Variants in AIFM1 observed in about 807,000 individuals in gnomAD.
AIFM1 encodes apoptosis-inducing factor 1, mitochondrial.
A neutral mutation model predicts 51.7 loss-of-function variants in AIFM1; 3 were observed. The ratio of observed to expected loss-of-function variants is 0.06; its 90% CI spans 0.03 to 0.15. AIFM1 has a LOEUF of 0.15. AIFM1 is among the 10% of genes least tolerant of loss of function. The probability of loss-of-function intolerance (pLI) is 1.00; values close to 1 mark genes in which losing one functional copy is unlikely to be tolerated. For synonymous variants in AIFM1, 178 were observed against 179.4 expected, an observed-to-expected ratio of 0.99 and a Z score of 0.06; for missense variants, 330 against 476.8, an observed-to-expected ratio of 0.69 and a Z score of 2.87.
chrX:130,154,689 A>C (rs774108122), intron 2 of AIFM1, among the ~76,000 whole-genome samples: 1 of 112,372 alleles, frequency 8.9e-6, no homozygotes, highest in South Asian at 3.7e-4. Context: ...AGAAGCATTC[A>C]ATAAAATGCC....
At chrX:130,141,579 G>C (rs1010488975) in intron 6 of AIFM1, among the ~76,000 whole-genome samples, 4 of 111,676 alleles carry the variant, frequency 3.6e-5, no homozygotes, top group Non-Finnish European at 7.5e-5. Flanking sequence ...ACAAGGCCAG[G>C]AGGAGGTGTT....
Position 130,133,304 on chromosome X carries a change from C to T in AIFM1, c.1448+9G>A, listed in dbSNP as rs1227293760. On this transcript the variant is annotated intron_variant, in intron 13 of 15. Coordinates refer to ENST00000287295, the MANE Select transcript of AIFM1 (RefSeq NM_004208.4). ...AATCAGTTGGGTCTCCAAGGCACACCACTATTACCAGAACATTGACTGATG... is the reference window on the plus strand; with the variant it reads ...AATCAGTTGGGTCTCCAAGGCACACTACTATTACCAGAACATTGACTGATG... 8.3e-7 allele frequency: 1 copy of T among 1,208,190 alleles called. No individual in the cohort carries two copies. Among genetic ancestry groups the T allele is most frequent in the Non-Finnish European group, 1.1e-6 (1 of 894,731 alleles).
Position 130,147,744 on chromosome X carries a change from C to T in AIFM1, c.474+8G>A, listed in dbSNP as rs773303584. ...CCTCTGTGCCAAGCAAAAAAACATG[C>T]ACCTTACCCTGGCCCCAGGATCCCG... On this transcript the variant is annotated splice_region_variant and intron_variant, in intron 4 of 15. Transcript: ENST00000287295. The T allele has an allele frequency of 2.5e-6, 3 of 1,212,024 alleles. No individual in the cohort carries two copies. In the Admixed American group the frequency reaches 6.5e-5, roughly 26 times the overall value.
chrX:130,151,347 G>A (rs1223433521), intron 2 of AIFM1, among the ~76,000 whole-genome samples: 2 of 110,685 alleles, frequency 1.8e-5, no homozygotes, highest in Non-Finnish European at 3.8e-5. Context: ...CACTATGTTG[G>A]CCAGGCTGGT....
At chrX:130,139,975 T>A (rs1276925969) in intron 7 of AIFM1, 104 bp from the exon 8 acceptor site, 1 of 697,475 alleles carries the variant, frequency 1.4e-6, no homozygotes, top group Non-Finnish European at 2.3e-6. Context: ...CTTAGCACCA[T>A]GGCGGCAACA....
At chrX:130,150,977 C>CAAA (rs759870161) in intron 2 of AIFM1, among the ~76,000 whole-genome samples, 10 of 27,811 alleles carry the variant, frequency 3.6e-4, no homozygotes, top group Admixed American at 5.4e-4. Context: ...GACTCTGTCT[C>CAAA]AAAAAAAAAA....
chrX:130,161,806 C>T (rs142885842), intron 1 of AIFM1, among the ~76,000 whole-genome samples: 1,106 of 110,461 alleles, frequency 0.01, 39 homozygotes, highest in East Asian at 0.089. Context: ...GGGGTTTCTC[C>T]ATGTTGGTCA....
intron 1 of AIFM1, among the ~76,000 whole-genome samples, chrX:130,160,942 T>C (rs2031327962): frequency 9.0e-6 from 1 of 110,889 alleles, no homozygotes. Flanking sequence ...CTTAAGAGTT[T>C]TTTTTAAAAA....
intron 6 of AIFM1, among the ~76,000 whole-genome samples, chrX:130,143,846 CAA>C (rs1320285868): frequency 1.0e-5 from 1 of 100,363 alleles, no homozygotes; most frequent in Non-Finnish European, 2.0e-5. Context: ...GAATCTGTCT[CAA>C]AAAAAAAAAG....
chrX:130,155,038 A>T (rs2031118590), intron 2 of AIFM1: 5 of 946,030 alleles, frequency 5.3e-6, no homozygotes, highest in Non-Finnish European at 7.5e-6. Context: ...CCTTTAATAA[A>T]CACCTAGAGA....
At chrX:130,156,330 G>A (rs2031160567) in intron 2 of AIFM1, 131 bp downstream of exon 2, 1 of 861,161 alleles carries the variant, frequency 1.2e-6, no homozygotes, top group Non-Finnish European at 1.7e-6. Context: ...GCACTTAAGA[G>A]AAGGCTTTTT....
In AIFM1 at chrX:130,136,302, T is replaced by C. The variant is rs977908846; in HGVS notation, c.1165-117A>G. 4 of 836,972 alleles carry C rather than the reference T, an allele frequency of 4.8e-6. No homozygotes were observed. The African/African-American group carries it at 8.1e-5, about 17-fold the overall frequency. 69.0% of individuals were successfully genotyped at this position (836,972 alleles called of 1,213,427 possible). ...GGACTTTAAAAAATCATGGGTTAAC[T>C]TACCTCTGATAAATGGATTTTAAGT... On this transcript the variant is annotated intron_variant, in intron 11 of 15. Transcript: ENST00000287295.
intron 1 of AIFM1, 118 bp from the exon 2 acceptor site, chrX:130,156,721 A>G: frequency 1.2e-6 from 1 of 813,653 alleles, no homozygotes; most frequent in Non-Finnish European, 1.8e-6. Flanking sequence ...TCACCGTTAA[A>G]TGATCAAGAA....
chrX:130,130,982 TATA>T (rs765224626), intron 14 of AIFM1, among the ~76,000 whole-genome samples: 1 of 112,727 alleles, frequency 8.9e-6, no homozygotes, highest in South Asian at 3.6e-4. Context: ...TACATATCCA[TATA>T]ATGTCTTGCT....
intron 10 of AIFM1, 71 bp downstream of exon 10, chrX:130,137,007 T>C (rs1056688751): frequency 1.9e-5 from 23 of 1,207,734 alleles, no homozygotes; most frequent in African/African-American, 7.0e-5. Context: ...GGGGTTCCTA[T>C]AGAAGCGAAG....
Position 130,138,653 on chromosome X carries a change from T to C in AIFM1, c.907A>G (p.Ile303Val). The change falls in exon 9 of 16, where the codon ATT (isoleucine) becomes GTT (valine). Residue 303 changes from isoleucine to valine, a missense_variant. Transcript: ENST00000287295. ...LEKISREVKS[I>V]TIIGGGFLGS... is the part of the protein sequence containing the mutation. The stretch of plus-strand genomic sequence containing the variant: ...AGGAAGCCCCCACCGATAATCGTAA[T>C]TGATTTGACTTCCCGTGAAATCTTC... 1 of 1,210,529 alleles carries C rather than the reference T, an allele frequency of 8.3e-7. No homozygotes were observed. The highest frequency in any genetic ancestry group is 1.7e-5 in the African/African-American group (1 of 57,634).
Position 130,140,593 on chromosome X carries a change from T to C in AIFM1, c.721A>G (p.Asn241Asp), listed in dbSNP as rs778430332. The C allele has an allele frequency of 1.7e-6, 2 of 1,209,330 alleles. No individual in the cohort carries two copies. Among genetic ancestry groups the C allele is most frequent in the Non-Finnish European group, 2.2e-6 (2 of 893,826 alleles). Residue 241 changes from asparagine to aspartate, a missense_variant, in exon 7 of 16, where the codon AAC (asparagine) becomes GAC (aspartate). By Grantham distance (23) the Asn-to-Asp change is conservative. Transcript: ENST00000287295. ...KKVVQLDVRD[N>D]MVKLNDGSQI... ...GAGCCATCATTAAGTTTCACCATGT[T>C]GTCTCTCACATCCAGCTGTACTACC...
chrX:130,140,492 G>A (rs2030537533), intron 7 of AIFM1, 41 bp downstream of exon 7: 2 of 1,088,357 alleles, frequency 1.8e-6, no homozygotes, highest in African/African-American at 1.8e-5. Flanking sequence ...AAACTTGAAT[G>A]AGCTGTATCA....
chrX:130,156,177 T>C (rs2031156631), intron 2 of AIFM1, among the ~76,000 whole-genome samples: 1 of 111,739 alleles, frequency 8.9e-6, no homozygotes, highest in South Asian at 3.7e-4. Context: ...ACAGGTACAA[T>C]TTTGTGGGTT....
Sources: allele counts gnomAD v4.1 joint callset (sites outside exome capture counted in the v4.1 genomes callset), GRCh38; gene constraint gnomAD v4.1.1; transcripts MANE v1.5; gene names NCBI Gene and HGNC (gene_info 2026-07-23, HGNC 2026-07-21).